ZMAT4: variants seen among roughly 807,000 people sequenced by gnomAD.
ZMAT4 encodes zinc finger matrin-type 4.
Under a neutral mutation model 28.7 loss-of-function variants are expected in ZMAT4, and 17 were observed. That is an observed-to-expected ratio of 0.59 (90% CI 0.41 to 0.89). The LOEUF (loss-of-function observed/expected upper bound fraction) is 0.89. Ranked by LOEUF, ZMAT4 falls within the 40% of genes least tolerant of loss-of-function variation. The pLI is 0.00. For synonymous variants in ZMAT4, 117 were observed against 109.2 expected (o/e 1.07, Z -0.44); for missense variants, 240 against 283.8 (o/e 0.85, Z 1.11).
chr8:40,635,814 T>G (rs1286294256), intron 5 of ZMAT4, among the ~76,000 whole-genome samples: 1 of 152,234 alleles, frequency 6.6e-6, no homozygotes, highest in African/African-American at 2.4e-5. Flanking sequence ...GGTAAATGAC[T>G]AATAGACATG....
intron 5 of ZMAT4, among the ~76,000 whole-genome samples, chr8:40,603,680 G>C (rs895705288): frequency 6.6e-5 from 10 of 152,140 alleles, no homozygotes; most frequent in South Asian, 2.1e-4. Context: ...CCAGGCTGGA[G>C]TGCAGTGGTG....
chr8:40,637,702 C>A (rs577961210), intron 5 of ZMAT4, among the ~76,000 whole-genome samples: 307 of 152,302 alleles, frequency 2.0e-3, no homozygotes, highest in Non-Finnish European at 3.2e-3. Flanking sequence ...TTTAAGAACA[C>A]CTGGGAAAAC....
At position 40,825,559 on chromosome 8, in the gene ZMAT4, G is replaced by GA. The variant is rs1563510578; in HGVS notation, c.102+15dup. On this transcript the variant is annotated intron_variant, in intron 2 of 6. Transcript: ENST00000297737. The stretch of plus-strand genomic sequence containing the variant: ...CCTCCTACATTTGCAAACAGAGTGG[G>GA]AAACGCTGTCCTTACCTCGTAGTGG... 6.5e-7 allele frequency: 1 copy of GA among 1,549,256 alleles called. No individual in the cohort carries two copies. The highest frequency in any genetic ancestry group is 8.7e-7 in the Non-Finnish European group (1 of 1,145,492).
chr8:40,797,282 C>T (rs976882372), intron 2 of ZMAT4, among the ~76,000 whole-genome samples: 29 of 152,172 alleles, frequency 1.9e-4, no homozygotes, highest in African/African-American at 7.0e-4. Context: ...TGCCGGTGCA[C>T]TTAGGGCCAC....
intron 1 of ZMAT4, among the ~76,000 whole-genome samples, chr8:40,883,632 A>T (rs1023058591): frequency 6.6e-6 from 1 of 152,162 alleles, no homozygotes; most frequent in Non-Finnish European, 1.5e-5. Flanking sequence ...CCTCCCTCAT[A>T]GGAAGATACT....
At chr8:40,583,148 G>C (rs1284791189) in intron 5 of ZMAT4, among the ~76,000 whole-genome samples, 2 of 152,190 alleles carry the variant, frequency 1.3e-5, no homozygotes, top group Non-Finnish European at 2.9e-5. Context: ...GGATTGCACA[G>C]AACTACCTAG....
intron 2 of ZMAT4, among the ~76,000 whole-genome samples, chr8:40,814,606 A>C (rs1325049450): frequency 6.6e-6 from 1 of 152,238 alleles, no homozygotes; most frequent in Non-Finnish European, 1.5e-5. Context: ...TAAAATGAAA[A>C]TCTATGCCAC....
chr8:40,829,296 C>A (rs1816190260), intron 1 of ZMAT4, among the ~76,000 whole-genome samples: 1 of 152,254 alleles, frequency 6.6e-6, no homozygotes. Context: ...TGCCAAGCAA[C>A]CACTGGAGGA....
intron 2 of ZMAT4, among the ~76,000 whole-genome samples, chr8:40,792,342 G>A (rs1381850806): frequency 6.6e-6 from 1 of 150,512 alleles, no homozygotes; most frequent in African/African-American, 2.5e-5. Context: ...CCCTGAACTG[G>A]CCACTTTCCC....
intron 6 of ZMAT4, 59 bp downstream of exon 6, chr8:40,581,106 G>C: frequency 7.3e-7 from 1 of 1,372,758 alleles, no homozygotes; most frequent in Non-Finnish European, 1.0e-6. Flanking sequence ...TGAGCCTTTA[G>C]TCATCTTACT....
At chr8:40,713,351 T>C (rs548412193) in intron 3 of ZMAT4, among the ~76,000 whole-genome samples, 7 of 151,944 alleles carry the variant, frequency 4.6e-5, no homozygotes, top group African/African-American at 1.7e-4. Flanking sequence ...TGAAAACAGT[T>C]CAAAACATAA....
chr8:40,589,731 C>CTTTCTTT lies in ZMAT4; in HGVS notation c.578-8471_578-8470insAAAGAAA, dbSNP rs1554523988. 9.3e-3 allele frequency among the ~76,000 whole-genome samples: 1,292 copies of CTTTCTTT among 139,376 alleles called. 26 individuals are homozygous for CTTTCTTT. Among genetic ancestry groups the CTTTCTTT allele is most frequent in the East Asian group, 0.072 (339 of 4,722 alleles). The allele number at this position is 139,376 out of a possible 152,430, so 91.4% of individuals were successfully genotyped here. On this transcript the variant is annotated intron_variant, in intron 5 of 6. Coordinates refer to ENST00000297737, the MANE Select transcript of ZMAT4 (RefSeq NM_024645.3). ...CTTCTTCCTTCTTCCTTCTTCCTTT[C>CTTTCTTT]CTTTCTTTCTTTCTTTCTTTCTTTC...
intron 2 of ZMAT4, among the ~76,000 whole-genome samples, chr8:40,768,296 A>G (rs1396286628): frequency 1.3e-5 from 2 of 152,214 alleles, no homozygotes; most frequent in Non-Finnish European, 2.9e-5. Flanking sequence ...ACCACAGCCT[A>G]AGCTACCTGC....
intron 1 of ZMAT4, among the ~76,000 whole-genome samples, chr8:40,881,435 G>GAAAGAA: frequency 2.0e-5 from 1 of 49,310 alleles, no homozygotes; most frequent in African/African-American, 6.2e-5. Context: ...AAGAAAGAGA[G>GAAAGAA]AAAGAAAGAA....
intron 3 of ZMAT4, among the ~76,000 whole-genome samples, chr8:40,715,134 G>T (rs1321444901): frequency 3.3e-5 from 5 of 151,088 alleles, no homozygotes; most frequent in African/African-American, 2.4e-5. Flanking sequence ...AGGCCAGAAA[G>T]AAGTGAGGAA....
At chr8:40,658,624 ACACAC>A (rs1474042956) in intron 5 of ZMAT4, among the ~76,000 whole-genome samples, 20 of 12,126 alleles carry the variant, frequency 1.6e-3, no homozygotes, top group South Asian at 3.3e-3. Context: ...ACACATACAC[ACACAC>A]ACACACACAC....
intron 2 of ZMAT4, among the ~76,000 whole-genome samples, chr8:40,801,351 A>AATATATAT (rs1554559737): frequency 2.7e-4 from 26 of 97,258 alleles, no homozygotes; most frequent in African/African-American, 5.2e-4. Flanking sequence ...TAAAAAAAAA[A>AATATATAT]ATATATATAT....
At chr8:40,805,305 A>T (rs915538810) in intron 2 of ZMAT4, among the ~76,000 whole-genome samples, 3 of 146,064 alleles carry the variant, frequency 2.1e-5, no homozygotes, top group Admixed American at 2.1e-4. Context: ...GCTGGAGAGG[A>T]TGTGGAGAAA....
At chr8:40,860,444 G>C (rs945745954) in intron 1 of ZMAT4, among the ~76,000 whole-genome samples, 1 of 152,182 alleles carries the variant, frequency 6.6e-6, no homozygotes, top group Non-Finnish European at 1.5e-5. Context: ...AGGTCCTTCA[G>C]AGAATATAAT....
Sources: gnomAD v4.1 joint callset for allele counts (sites outside exome capture counted in the v4.1 genomes callset) on GRCh38, gnomAD v4.1.1 for gene constraint, MANE v1.5 for transcripts, NCBI Gene and HGNC (gene_info 2026-07-23, HGNC 2026-07-21) for gene names.